Variants in ITGA9 observed in about 807,000 individuals in gnomAD.
ITGA9 encodes the protein integrin alpha-9.
Under a neutral mutation model 127.8 loss-of-function variants are expected in ITGA9, and 56 were observed. The ratio of observed to expected loss-of-function variants is 0.44; its 90% CI spans 0.35 to 0.55. The LOEUF (loss-of-function observed/expected upper bound fraction) is 0.55. Among genes scored for constraint, ITGA9 ranks in the 20% least tolerant of loss-of-function variants. The pLI is 0.00. For missense variants in ITGA9, 1,196 were observed against 1,347.1 expected, an observed-to-expected ratio of 0.89 and a Z score of 1.76; for synonymous variants, 508 against 514.5, an observed-to-expected ratio of 0.99 and a Z score of 0.17.
intron 27 of ITGA9, among the ~76,000 whole-genome samples, chr3:37,817,191 C>G (rs1013265339): frequency 4.6e-5 from 7 of 152,188 alleles, no homozygotes; most frequent in African/African-American, 1.7e-4. Context: ...CCCATGACAG[C>G]TGGGTTTGCT....
intron 16 of ITGA9, among the ~76,000 whole-genome samples, chr3:37,632,671 A>G (rs954800227): frequency 6.6e-5 from 10 of 152,226 alleles, no homozygotes; most frequent in Admixed American, 6.5e-5. Context: ...CAGTGCTTCA[A>G]AGACAAAGGG....
At chr3:37,642,632 T>G (rs1700344311) in intron 16 of ITGA9, among the ~76,000 whole-genome samples, 1 of 152,274 alleles carries the variant, frequency 6.6e-6, no homozygotes, top group Non-Finnish European at 1.5e-5. Flanking sequence ...ACGGTATGTT[T>G]GTAGTGACTA....
intron 15 of ITGA9, among the ~76,000 whole-genome samples, chr3:37,624,415 T>G (rs762610061): frequency 1.1e-4 from 17 of 151,912 alleles, no homozygotes; most frequent in Non-Finnish European, 2.4e-4. Context: ...CCATCTCTGC[T>G]GCTGGGTCCT....
intron 15 of ITGA9, among the ~76,000 whole-genome samples, chr3:37,590,924 A>G (rs907769408): frequency 7.0e-4 from 107 of 152,206 alleles, no homozygotes; most frequent in African/African-American, 2.5e-3. Context: ...TGGAAACCCC[A>G]TGTCCTTAGC....
intron 23 of ITGA9, among the ~76,000 whole-genome samples, chr3:37,775,993 A>G (rs1490662069): frequency 6.6e-6 from 1 of 152,260 alleles, no homozygotes; most frequent in Middle Eastern, 3.2e-3. Context: ...ATGGAATACT[A>G]TGCAGCCATA....
At chr3:37,488,166 G>A (rs1240667538) in intron 4 of ITGA9, among the ~76,000 whole-genome samples, 5 of 152,088 alleles carry the variant, frequency 3.3e-5, no homozygotes, top group African/African-American at 4.8e-5. Context: ...GGCTGGCCTC[G>A]AACGTCTAGC....
intron 18 of ITGA9, among the ~76,000 whole-genome samples, chr3:37,694,266 A>G (rs1020680503): frequency 2.0e-5 from 3 of 152,200 alleles, no homozygotes; most frequent in African/African-American, 4.8e-5. Context: ...TTGCTTCTGC[A>G]GGCCCTTCCC....
At chr3:37,802,344 C>G (rs909765885) in intron 26 of ITGA9, among the ~76,000 whole-genome samples, 1 of 152,192 alleles carries the variant, frequency 6.6e-6, no homozygotes, top group Non-Finnish European at 1.5e-5. Flanking sequence ...TGTGCCCAGT[C>G]ACTGCTTGGG....
Position 37,629,579 on chromosome 3 carries a change from A to C in ITGA9, c.1839+243A>C, listed in dbSNP as rs982415375. On this transcript the variant is annotated intron_variant, in intron 16 of 27. Transcript: ENST00000264741. This position sits in a 1 kb window ranked among gnomAD's most constrained non-coding sequence, Gnocchi z 4.5. Reference sequence around the variant, plus strand: ...CAATTCTCAGGCTGTTAGAAGTTACAATCCCCTCGAGTTCGTGAACTGGCT... The same window carrying C: ...CAATTCTCAGGCTGTTAGAAGTTACCATCCCCTCGAGTTCGTGAACTGGCT... The C allele has an allele frequency of 9.7e-6, 6 of 619,820 alleles. No homozygotes were observed. The highest frequency in any genetic ancestry group is 1.9e-5 in the South Asian group (1 of 51,936). 38.4% of individuals were successfully genotyped at this position (619,820 alleles called of 1,614,324 possible). A position where few individuals can be genotyped will look rare whatever the true frequency, so the allele number is the denominator to read the frequency against.
intron 17 of ITGA9, among the ~76,000 whole-genome samples, chr3:37,670,464 G>A (rs971229170): frequency 1.3e-5 from 2 of 152,116 alleles, no homozygotes; most frequent in Admixed American, 1.3e-4. Flanking sequence ...CCCGGATAAG[G>A]AAATGATTGC....
In ITGA9 at chr3:37,723,818, T is replaced by C. The variant is rs7616084; in HGVS notation, c.2068-8894T>C. ...GGTCAGTGAATAGCTCTTCAGTGAG[T>C]TAGTAAACAAAGTGGTTCTCAAAAT... On this transcript the variant is annotated intron_variant, in intron 18 of 27. Transcript: ENST00000264741. Among the ~76,000 whole-genome samples the C allele has an allele frequency of 7.5e-3, 1,140 of 152,260 alleles. 20 individuals carry two copies. The highest frequency in any genetic ancestry group is 0.026 in the African/African-American group (1,071 of 41,546).
At chr3:37,646,048 A>T (rs1051334402) in intron 16 of ITGA9, among the ~76,000 whole-genome samples, 1 of 152,228 alleles carries the variant, frequency 6.6e-6, no homozygotes, top group African/African-American at 2.4e-5. Flanking sequence ...CTCAGAGGAA[A>T]ATGCAACTTG....
intron 17 of ITGA9, among the ~76,000 whole-genome samples, chr3:37,654,520 A>G (rs1700459148): frequency 6.6e-6 from 1 of 152,220 alleles, no homozygotes; most frequent in African/African-American, 2.4e-5. Flanking sequence ...AGACTGTTTT[A>G]GCCTTGGGGC....
chr3:37,725,281 A>G (rs998495302), intron 18 of ITGA9, among the ~76,000 whole-genome samples: 3 of 152,214 alleles, frequency 2.0e-5, no homozygotes, highest in African/African-American at 7.2e-5. Context: ...AGGACTATCC[A>G]TGAGTAACCC....
Position 37,471,122 on chromosome 3 carries a change from G to A in ITGA9, c.301G>A (p.Asp101Asn). Residue 101 changes from aspartate to asparagine, a missense_variant, in exon 2 of 28, where the codon GAC becomes AAC. Transcript: ENST00000264741. ...TNPDRRCTEL[D>N]MARGKNRGTS... ...CCCTGACCGGAGATGCACCGAACTG[G>A]ACATGGCTCGAGGTGGGTGACCATT... 6.2e-7 allele frequency: 1 copy of A among 1,613,974 alleles called. No homozygotes were observed. The highest frequency in any genetic ancestry group is 8.5e-7 in the Non-Finnish European group (1 of 1,179,978).
chr3:37,778,603 G>A lies in ITGA9; in HGVS notation c.2667+1086G>A, dbSNP rs765642809. Among the ~76,000 whole-genome samples, 172 of 150,190 alleles carry A rather than the reference G, an allele frequency of 1.1e-3. 1 individual carries two copies. Among genetic ancestry groups the A allele is most frequent in the Non-Finnish European group, 2.1e-3 (143 of 67,674 alleles). ...ACTGTACTCCAGCCTGGGCAACAGA[G>A]CAAGACTCTGTCTCAAAAAAAAAAA... On this transcript the variant is annotated intron_variant, in intron 24 of 27. Transcript: ENST00000264741.
intron 15 of ITGA9, among the ~76,000 whole-genome samples, chr3:37,592,967 C>G (rs1477178034): frequency 6.6e-6 from 1 of 152,132 alleles, no homozygotes; most frequent in Non-Finnish European, 1.5e-5. Flanking sequence ...GAAACCATAG[C>G]ACCTGATGAA....
At chr3:37,795,514 G>T (rs1017153907) in intron 26 of ITGA9, among the ~76,000 whole-genome samples, 4 of 152,190 alleles carry the variant, frequency 2.6e-5, no homozygotes, top group Non-Finnish European at 4.4e-5. Context: ...ACAGAAGCAG[G>T]CAGGGTGCCA....
intron 1 of ITGA9, among the ~76,000 whole-genome samples, chr3:37,454,441 AC>A (rs1169673235): frequency 3.3e-5 from 5 of 152,336 alleles, no homozygotes; most frequent in Admixed American, 2.6e-4. Flanking sequence ...TCAGCTTGGT[AC>A]CCAGGGTAAA....
Sources: gnomAD v4.1 joint callset for allele counts (sites outside exome capture counted in the v4.1 genomes callset) on GRCh38, gnomAD v4.1.1 for gene constraint, Gnocchi (gnomAD v3.1) non-coding constraint, MANE v1.5 for transcripts, NCBI Gene and HGNC (gene_info 2026-07-23, HGNC 2026-07-21) for gene names.